NFRKB: variants seen among roughly 807,000 people sequenced by gnomAD.
NFRKB encodes the protein nuclear factor related to kappa-B-binding protein.
A neutral mutation model predicts 135.7 loss-of-function variants in NFRKB; 62 were observed. The observed-to-expected ratio is 0.46, with a 90% confidence interval of 0.37 to 0.56. The LOEUF (loss-of-function observed/expected upper bound fraction) is 0.56, where lower values mean the gene tolerates loss of function less well. NFRKB is among the 20% of genes least tolerant of loss of function. NFRKB has a pLI of 0.00. For missense variants in NFRKB, 1,545 were observed against 1,662.0 expected (o/e 0.93, Z 1.22); for synonymous variants, 678 against 635.6 (o/e 1.07, Z -1.00).
In NFRKB at chr11:129,882,537, G is replaced by A; in HGVS notation, c.996C>T (p.Asp332=). 2 of 1,614,050 alleles carry A rather than the reference G, an allele frequency of 1.2e-6. No homozygotes were observed. The highest frequency in any genetic ancestry group is 1.1e-5 in the South Asian group (1 of 91,066). ...CAGTACTGCTTAGCGGCTCGGCCAG[G>A]TCCTCTGCCTCTGATTTGATCGTTT... The part of the protein sequence containing the change: ...KIKTIKSEAE[D]LAEPLSSTEG... Residue 332 remains aspartate (D), a synonymous_variant, in exon 10 of 27, where the codon GAC becomes GAT. Coordinates refer to ENST00000682444, the MANE Select transcript of NFRKB (RefSeq NM_001143835.2).
intron 1 of NFRKB, among the ~76,000 whole-genome samples, chr11:129,895,228 C>A (rs1185319917): frequency 6.6e-6 from 1 of 152,194 alleles, no homozygotes; most frequent in Non-Finnish European, 1.5e-5. Context: ...CCAAAGCCCT[C>A]AACTCTGCAG....
intron 9 of NFRKB, 76 bp from the exon 10 acceptor site, chr11:129,882,707 CT>C: frequency 7.0e-7 from 1 of 1,436,186 alleles, no homozygotes; most frequent in Non-Finnish European, 9.5e-7. Context: ...TCTGCATATT[CT>C]TTTCCCAAGG....
At chr11:129,892,607 A>C (rs1211958264) in intron 3 of NFRKB, 108 bp downstream of exon 3, 9 of 1,203,112 alleles carry the variant, frequency 7.5e-6, no homozygotes, top group Non-Finnish European at 1.1e-5. Context: ...GTAGAAAATG[A>C]ACAAAAGGGA....
intron 3 of NFRKB, among the ~76,000 whole-genome samples, 199 bp downstream of exon 3, chr11:129,892,516 C>A (rs148059603): frequency 6.6e-6 from 1 of 152,020 alleles, no homozygotes; most frequent in Non-Finnish European, 1.5e-5. Context: ...ACATGCGGAA[C>A]GTAGCTTGTT....
At chr11:129,880,530 G>A (rs778859684) in intron 13 of NFRKB, among the ~76,000 whole-genome samples, 1 of 152,168 alleles carries the variant, frequency 6.6e-6, no homozygotes, top group African/African-American at 2.4e-5. Context: ...CCCTCTGCCT[G>A]TCTGGCTCAG....
Position 129,864,720 on chromosome 11 carries a change from C to G in NFRKB, c.*5G>C. ...GTCTTTCACGGAAGCCATCCTCTCTCATAATCATTGTTGCTCAGGTGCCTG... is the reference window on the plus strand; with the variant it reads ...GTCTTTCACGGAAGCCATCCTCTCTGATAATCATTGTTGCTCAGGTGCCTG... On this transcript the variant is annotated 3_prime_UTR_variant, in exon 27 of 27. Coordinates refer to ENST00000682444, the MANE Select transcript of NFRKB (RefSeq NM_001143835.2). The G allele has an allele frequency of 1.2e-6, 2 of 1,614,160 alleles. No homozygotes were observed. Among genetic ancestry groups the G allele is most frequent in the Non-Finnish European group, 1.7e-6 (2 of 1,180,036 alleles).
At position 129,889,951 on chromosome 11, in the gene NFRKB, C is replaced by CGTGTGTGTGTGTGT. The variant is rs56216860; in HGVS notation, c.136-1170_136-1157dup. ...ACATGCACGTTTTATTATTGTCTTACGTGTGTGTGTGTGTGTGTGTGTGTG... is the reference window on the plus strand; with the variant it reads ...ACATGCACGTTTTATTATTGTCTTACGTGTGTGTGTGTGTGTGTGTGTGTGTGTGTGTGTGTGTG... On this transcript the variant is annotated intron_variant, in intron 3 of 26. Coordinates refer to ENST00000682444, the MANE Select transcript of NFRKB (RefSeq NM_001143835.2). Among the ~76,000 whole-genome samples, 921 of 135,330 alleles carry CGTGTGTGTGTGTGT rather than the reference C, an allele frequency of 6.8e-3. 10 individuals are homozygous for CGTGTGTGTGTGTGT. Among genetic ancestry groups the CGTGTGTGTGTGTGT allele is most frequent in the African/African-American group, 0.024 (880 of 35,932 alleles). The allele number at this position is 135,330 out of a possible 152,430, so 88.8% of individuals were successfully genotyped here.
intron 6 of NFRKB, among the ~76,000 whole-genome samples, chr11:129,885,207 C>T (rs888242276): frequency 1.3e-5 from 2 of 152,188 alleles, no homozygotes; most frequent in Non-Finnish European, 2.9e-5. Context: ...AGCTCAAATG[C>T]CACATGGCCA....
Position 129,875,512 on chromosome 11 carries a change from C to T in NFRKB, c.1748-49G>A, listed in dbSNP as rs200480433. 25 of 1,460,770 alleles carry T rather than the reference C, an allele frequency of 1.7e-5. No homozygotes were observed. The East Asian group carries it at 3.6e-4, about 21-fold the overall frequency. The allele number at this position is 1,460,770 out of a possible 1,614,324, so 90.5% of individuals were successfully genotyped here. A position where few individuals can be genotyped will look rare whatever the true frequency, so the allele number is the denominator to read the frequency against. ...GTCCACAAGTCAGGCAGGGTTCCTA[C>T]GGAGGTACAATCTCCTGTACCTGCA... is the stretch of plus-strand genomic sequence containing the variant. On this transcript the variant is annotated intron_variant, in intron 17 of 26. Coordinates refer to ENST00000682444, the MANE Select transcript of NFRKB (RefSeq NM_001143835.2).
At chr11:129,868,153 T>A (rs1258825465) in intron 24 of NFRKB, among the ~76,000 whole-genome samples, 1 of 152,048 alleles carries the variant, frequency 6.6e-6, no homozygotes, top group Non-Finnish European at 1.5e-5. Context: ...ACTCCATATA[T>A]AAGGTTAAAA....
rs533359650 is a variant in NFRKB, at chr11:129,891,131, G to C, written c.135+1584C>G. Among the ~76,000 whole-genome samples the C allele has an allele frequency of 5.9e-5, 9 of 152,288 alleles. No homozygotes were observed. In the South Asian group the frequency reaches 1.7e-3, roughly 28 times the overall value. Reference sequence around the variant, plus strand: ...GACCAGAACCAGAGGCCTTGTCCGTGCTTGCAGTGGGACTCAATATTATCC... The same window carrying C: ...GACCAGAACCAGAGGCCTTGTCCGTCCTTGCAGTGGGACTCAATATTATCC... On this transcript the variant is annotated intron_variant, in intron 3 of 26. Transcript: ENST00000682444.
chr11:129,875,305 T>G (rs149726525), intron 18 of NFRKB, 52 bp downstream of exon 18: 116 of 1,410,136 alleles, frequency 8.2e-5, no homozygotes, highest in East Asian at 3.5e-4. Context: ...CCTGATAAGT[T>G]TTCTTAAATC....
chr11:129,873,153 T>G (rs1188762947), intron 22 of NFRKB, 57 bp from the exon 23 acceptor site: 4 of 1,448,644 alleles, frequency 2.8e-6, no homozygotes, highest in Admixed American at 2.3e-5. Flanking sequence ...AGACCAGCAC[T>G]CTAAGCAAGA....
chr11:129,893,062 C>T, intron 2 of NFRKB, 192 bp from the exon 3 acceptor site: 1 of 1,427,886 alleles, frequency 7.0e-7, no homozygotes, highest in Admixed American at 2.8e-5. Context: ...CAAGTCTTAC[C>T]TGGAAGAGCT....
rs1343363741 is a variant in NFRKB, at chr11:129,873,756, C to T, written c.2539G>A (p.Val847Ile). The change falls in exon 22 of 27, where the codon GTA becomes ATA. Residue 847 changes from valine (V) to isoleucine (I), a missense_variant. By Grantham distance (29) the Val-to-Ile change is conservative. This residue lies in a region of NFRKB where 753 missense variants were observed against 804.3 expected (regional missense o/e 0.94). Transcript: ENST00000682444. Reference sequence around the variant, plus strand: ...GCTTCCCTGTTTACCTGGGGCACTACTTTGGTCTGTGTGGCAGTGGCTGGA... The same window carrying T: ...GCTTCCCTGTTTACCTGGGGCACTATTTTGGTCTGTGTGGCAGTGGCTGGA... ...RVPATATQTK[V>I]VPQTVMATVP... The T allele has an allele frequency of 6.2e-7, 1 of 1,613,910 alleles. No homozygotes were observed. Among genetic ancestry groups the T allele is most frequent in the East Asian group, 2.2e-5 (1 of 44,880 alleles).
intron 12 of NFRKB, 49 bp from the exon 13 acceptor site, chr11:129,881,557 C>G: frequency 6.2e-7 from 1 of 1,610,566 alleles, no homozygotes; most frequent in Non-Finnish European, 8.5e-7. Context: ...CGTCCCTGAG[C>G]TCCGAAACAG....
chr11:129,885,360 C>T (rs1949223981), intron 6 of NFRKB, 75 bp downstream of exon 6: 6 of 1,500,572 alleles, frequency 4.0e-6, no homozygotes, highest in African/African-American at 1.4e-5. Context: ...TAAATGGCTA[C>T]CACTGGCTCC....
At position 129,869,655 on chromosome 11, in the gene NFRKB, C is replaced by G; in HGVS notation, c.3370G>C (p.Val1124Leu). 6.2e-7 allele frequency: 1 copy of G among 1,614,222 alleles called. No individual in the cohort carries two copies. The highest frequency in any genetic ancestry group is 8.5e-7 in the Non-Finnish European group (1 of 1,180,046). The change falls in exon 24 of 27, where the codon GTC (valine) becomes CTC (leucine). Residue 1124 changes from valine to leucine, a missense_variant. By Grantham distance (32) the Val-to-Leu change is conservative (BLOSUM62 1). This residue lies in a region of NFRKB where 753 missense variants were observed against 804.3 expected (regional missense o/e 0.94). Coordinates refer to ENST00000682444, the MANE Select transcript of NFRKB (RefSeq NM_001143835.2). Reference sequence around the variant, plus strand: ...GGTAAGGACACCGCTGAAGTATGGACAGTTCCAGACCCACTGGCCACCGAG... The same window carrying G: ...GGTAAGGACACCGCTGAAGTATGGAGAGTTCCAGACCCACTGGCCACCGAG... The part of the protein sequence containing the change: ...GASVASGSGT[V>L]HTSAVSLPSM...
Position 129,883,147 on chromosome 11 carries a change from A to G in NFRKB, c.876T>C (p.Asn292=). 1 of 1,614,042 alleles carries G rather than the reference A, an allele frequency of 6.2e-7. No individual in the cohort carries two copies. The highest frequency in any genetic ancestry group is 8.5e-7 in the Non-Finnish European group (1 of 1,180,012). The change falls in exon 9 of 27, where the codon AAT becomes AAC. Residue 292 remains asparagine (N), a synonymous_variant. Transcript: ENST00000682444. ...LTLNDIMTRV[N]AGRKGSLAAL... The stretch of plus-strand genomic sequence containing the variant: ...CTGCCAGAGAGCCCTTCCTGCCAGC[A>G]TTTACTCGAGTCATGATGTCATTGA...
Sources: allele counts gnomAD v4.1 joint callset (sites outside exome capture counted in the v4.1 genomes callset), GRCh38; gene constraint gnomAD v4.1.1; regional missense constraint gnomAD v4.1.1; transcripts MANE v1.5; gene names NCBI Gene and HGNC (gene_info 2026-07-23, HGNC 2026-07-21).